The following PKD2 variants were observed in gnomAD, a reference collection of about 807,000 sequenced individuals.
PKD2 encodes polycystin 2, transient receptor potential cation channel.
In PKD2, 48 loss-of-function variants were observed where a neutral mutation model predicts 105.9. That is an observed-to-expected ratio of 0.45 (90% CI 0.36 to 0.58). PKD2 has a LOEUF of 0.58. PKD2 is among the 20% of genes least tolerant of loss of function. PKD2 has a pLI of 0.00. For missense variants in PKD2, 1,078 were observed against 1,255.3 expected (o/e 0.86, Z 2.13); for synonymous variants, 464 against 481.1 (o/e 0.96, Z 0.46).
At chr4:88,066,954 T>A (rs1720817847) in intron 12 of PKD2, among the ~76,000 whole-genome samples, 1 of 152,194 alleles carries the variant, frequency 6.6e-6, no homozygotes, top group Non-Finnish European at 1.5e-5. Flanking sequence ...CCAGTCACAG[T>A]GAAATTTAAG....
intron 6 of PKD2, among the ~76,000 whole-genome samples, 163 bp from the exon 7 acceptor site, chr4:88,051,828 A>T (rs575988557): frequency 3.3e-4 from 51 of 152,352 alleles, no homozygotes; most frequent in Non-Finnish European, 4.4e-5. Context: ...GCAGGGCTTA[A>T]CACTTTCCAT....
intron 6 of PKD2, among the ~76,000 whole-genome samples, chr4:88,049,074 A>G (rs1177479618): frequency 2.0e-5 from 3 of 152,214 alleles, no homozygotes; most frequent in Non-Finnish European, 4.4e-5. Flanking sequence ...TATTTTAACC[A>G]AAGAACTCAA....
intron 2 of PKD2, among the ~76,000 whole-genome samples, chr4:88,026,532 A>G (rs541064103): frequency 2.0e-4 from 30 of 152,308 alleles, no homozygotes; most frequent in African/African-American, 7.2e-4. Context: ...AGTGCAACAA[A>G]AGTTTAGGGA....
chr4:88,048,989 A>T (rs1727875976), intron 6 of PKD2, among the ~76,000 whole-genome samples: 5 of 152,218 alleles, frequency 3.3e-5, no homozygotes, highest in Admixed American at 3.3e-4. Flanking sequence ...ATATGGATTT[A>T]TTTATGTTTA....
chr4:88,012,036 A>G (rs1726401757), intron 1 of PKD2, among the ~76,000 whole-genome samples: 1 of 152,102 alleles, frequency 6.6e-6, no homozygotes, highest in African/African-American at 2.4e-5. Flanking sequence ...AATGCACAGT[A>G]CAGCCACCCC....
At chr4:88,061,848 G>T in intron 9 of PKD2, 58 bp from the exon 10 acceptor site, 1 of 857,174 alleles carries the variant, frequency 1.2e-6, no homozygotes, top group South Asian at 1.3e-5. Flanking sequence ...TTTTTTGATT[G>T]ATAATTCCAA....
At chr4:88,045,266 A>G (rs1398382889) in intron 5 of PKD2, among the ~76,000 whole-genome samples, 1 of 152,216 alleles carries the variant, frequency 6.6e-6, no homozygotes, top group East Asian at 1.9e-4. Context: ...TGAGTTCCCA[A>G]TGAAGCTGTC....
At chr4:88,016,787 C>T (rs1726576181) in intron 1 of PKD2, among the ~76,000 whole-genome samples, 1 of 151,726 alleles carries the variant, frequency 6.6e-6, no homozygotes, top group Non-Finnish European at 1.5e-5. Flanking sequence ...GTAGTGAGAC[C>T]CCACCTCTAC....
chr4:88,070,579 T>TAC (rs2110144459), intron 13 of PKD2, among the ~76,000 whole-genome samples: 1 of 61,626 alleles, frequency 1.6e-5, no homozygotes, highest in Non-Finnish European at 3.0e-5. Flanking sequence ...TTATTTTATA[T>TAC]ATATATATAT....
chr4:88,038,115 C>T, intron 3 of PKD2, 136 bp from the exon 4 acceptor site: 1 of 958,194 alleles, frequency 1.0e-6, no homozygotes, highest in Non-Finnish European at 1.6e-6. Context: ...CCAAATCTCT[C>T]TGACAACAAA....
rs1727412285 is a variant in PKD2, at chr4:88,038,248, T to G, written c.844-3T>G. On this transcript the variant is annotated splice_polypyrimidine_tract_variant and splice_region_variant and intron_variant, in intron 3 of 14. Coordinates refer to ENST00000237596, the MANE Select transcript of PKD2 (RefSeq NM_000297.4). Reference sequence around the variant, plus strand: ...TTTTCAGAGATGTTTCCTTTGCTTTTAGTTCACAGAAGGCTCCTTATTGGA... The same window carrying G: ...TTTTCAGAGATGTTTCCTTTGCTTTGAGTTCACAGAAGGCTCCTTATTGGA... 6.2e-7 allele frequency: 1 copy of G among 1,613,970 alleles called. No individual in the cohort carries two copies. The highest frequency in any genetic ancestry group is 1.1e-5 in the South Asian group (1 of 91,064).
intron 6 of PKD2, among the ~76,000 whole-genome samples, chr4:88,050,314 A>G (rs943288597): frequency 1.3e-5 from 2 of 152,074 alleles, no homozygotes; most frequent in African/African-American, 4.8e-5. Context: ...CTGAGCACCT[A>G]CTATGTACTT....
intron 13 of PKD2, among the ~76,000 whole-genome samples, chr4:88,070,571 ATTT>A (rs202207351): frequency 8.6e-6 from 1 of 116,958 alleles, no homozygotes; most frequent in Non-Finnish European, 1.7e-5. Flanking sequence ...TTATTTATTT[ATTT>A]TATATATATA....
intron 2 of PKD2, among the ~76,000 whole-genome samples, chr4:88,025,170 A>G (rs1201623576): frequency 1.3e-5 from 2 of 151,718 alleles, no homozygotes; most frequent in African/African-American, 4.8e-5. Flanking sequence ...TAGAAAAAGA[A>G]TCCATGGGCA....
intron 13 of PKD2, among the ~76,000 whole-genome samples, chr4:88,072,601 C>A (rs549860136): frequency 6.6e-6 from 1 of 152,312 alleles, no homozygotes; most frequent in South Asian, 2.1e-4. Context: ...AGTCACTGGG[C>A]TCAGATGGCA....
At chr4:88,026,228 A>G (rs1028406487) in intron 2 of PKD2, among the ~76,000 whole-genome samples, 4 of 152,216 alleles carry the variant, frequency 2.6e-5, no homozygotes, top group Non-Finnish European at 5.9e-5. Flanking sequence ...TGATAGTGAT[A>G]TGGACAATGA....
In PKD2 at chr4:88,063,682, G is replaced by A. The variant is rs146178718; in HGVS notation, c.2118+1678G>A. Among the ~76,000 whole-genome samples, 1,426 of 152,310 alleles carry A rather than the reference G, an allele frequency of 9.4e-3. 14 individuals carry two copies. The highest frequency in any genetic ancestry group is 0.014 in the Non-Finnish European group (936 of 68,022). On this transcript the variant is annotated intron_variant, in intron 10 of 14. Coordinates refer to ENST00000237596, the MANE Select transcript of PKD2 (RefSeq NM_000297.4). Reference sequence around the variant, plus strand: ...GAAGAAATAGGAGTGTTGACACTGCGATCATTCAAGAGATCCAGATATGGA... The same window carrying A: ...GAAGAAATAGGAGTGTTGACACTGCAATCATTCAAGAGATCCAGATATGGA...
At chr4:88,019,413 TTAA>T (rs1726671691) in intron 1 of PKD2, 42 bp from the exon 2 acceptor site, 2 of 1,015,768 alleles carry the variant, frequency 2.0e-6, no homozygotes, top group Non-Finnish European at 3.1e-6. Context: ...ATGAGATTTC[TTAA>T]ATAAAATGAT....
intron 7 of PKD2, among the ~76,000 whole-genome samples, chr4:88,053,785 A>G: frequency 6.6e-6 from 1 of 152,212 alleles, no homozygotes; most frequent in East Asian, 1.9e-4. Context: ...TAATAATCAA[A>G]CAGCAAAAAT....
Sources: gnomAD v4.1 joint callset for allele counts (sites outside exome capture counted in the v4.1 genomes callset) on GRCh38, gnomAD v4.1.1 for gene constraint, MANE v1.5 for transcripts, NCBI Gene and HGNC (gene_info 2026-07-23, HGNC 2026-07-21) for gene names.